THSD4: variants seen among roughly 807,000 people sequenced by gnomAD.
THSD4 encodes the protein thrombospondin type 1 domain containing 4.
In THSD4, 69 loss-of-function variants were observed where a neutral mutation model predicts 119.0. The observed-to-expected ratio is 0.58, with a 90% confidence interval of 0.48 to 0.71. The LOEUF (loss-of-function observed/expected upper bound fraction) is 0.71. THSD4 is among the 30% of genes least tolerant of loss of function. The pLI is 0.00. For synonymous variants in THSD4, 524 were observed against 540.4 expected, an observed-to-expected ratio of 0.97 and a Z score of 0.42; for missense variants, 1,393 against 1,391.1, an observed-to-expected ratio of 1.00 and a Z score of -0.02.
At chr15:71,757,881 T>G (rs780795008) in intron 14 of THSD4, 21 bp from the exon 15 acceptor site, 5 of 1,612,048 alleles carry the variant, frequency 3.1e-6, no homozygotes. Context: ...CTGACTAATG[T>G]GCCCTTCCCC....
intron 1 of THSD4, among the ~76,000 whole-genome samples, chr15:71,098,213 T>TTTG (rs1464119760): frequency 2.1e-4 from 27 of 128,956 alleles, no homozygotes; most frequent in African/African-American, 7.7e-4. Context: ...TTTTTTTTTT[T>TTTG]GGGGGGAGAG....
intron 7 of THSD4, among the ~76,000 whole-genome samples, chr15:71,441,327 G>T (rs1488482693): frequency 2.9e-5 from 1 of 34,246 alleles, no homozygotes; most frequent in Non-Finnish European, 7.5e-5. Context: ...ATTGGGATCA[G>T]TGGGCAACAG....
In THSD4 at chr15:71,765,028, C is replaced by T. The variant is rs376553250; in HGVS notation, c.2598C>T (p.Ile866=). ...TCTGCTTCTTTCTGCAGTGTTCCAT[C>T]GAGTGTGGGAGCGGGACGCAACAGA... The part of the protein sequence containing the change: ...WFAGSWSQCS[I]ECGSGTQQRE... Residue 866 remains isoleucine, a synonymous_variant, in exon 16 of 18, where the codon ATC becomes ATT. Coordinates refer to ENST00000261862, the MANE Select transcript of THSD4 (RefSeq NM_024817.3). The T allele has an allele frequency of 5.6e-5, 90 of 1,613,412 alleles. No homozygotes were observed. The highest frequency in any genetic ancestry group is 7.5e-5 in the Non-Finnish European group (88 of 1,179,688).
intron 7 of THSD4, among the ~76,000 whole-genome samples, chr15:71,605,873 G>A (rs774640018): frequency 9.8e-5 from 15 of 152,294 alleles, no homozygotes; most frequent in East Asian, 7.7e-4. Flanking sequence ...GGGATGCTCC[G>A]ATGCTTGAAG....
rs545026198 is a variant in THSD4 at position 71,778,078 on chromosome 15, A to G, written c.*704A>G. On this transcript the variant is annotated 3_prime_UTR_variant, in exon 18 of 18. Coordinates refer to ENST00000261862, the MANE Select transcript of THSD4 (RefSeq NM_024817.3). ...AACTTAAGTAATTGACCTGCCAGGT[A>G]TATTCACCCATCCAGTGGAAGAGCT... 6.6e-6 allele frequency: 1 copy of G among 152,418 alleles called. No individual in the cohort carries two copies. The highest frequency in any genetic ancestry group is 1.5e-5 in the Non-Finnish European group (1 of 68,214). 9.4% of individuals were successfully genotyped at this position (152,418 alleles called of 1,614,324 possible). A position where few individuals can be genotyped will look rare whatever the true frequency, so the allele number is the denominator to read the frequency against.
At chr15:71,625,064 G>A (rs1412771835) in intron 7 of THSD4, among the ~76,000 whole-genome samples, 1 of 152,060 alleles carries the variant, frequency 6.6e-6, no homozygotes, top group Non-Finnish European at 1.5e-5. Flanking sequence ...CTGGAGTACA[G>A]TGGTGCCATC....
chr15:71,117,606 C>A (rs1355652459), intron 1 of THSD4, among the ~76,000 whole-genome samples: 1 of 152,206 alleles, frequency 6.6e-6, no homozygotes, highest in African/African-American at 2.4e-5. Flanking sequence ...CTGCCCCCAC[C>A]TTCAACCATG....
intron 7 of THSD4, among the ~76,000 whole-genome samples, chr15:71,457,765 C>T (rs572892390): frequency 1.3e-5 from 2 of 152,332 alleles, no homozygotes; most frequent in African/African-American, 4.8e-5. Flanking sequence ...GTACTCTACC[C>T]CCTCACACTG....
intron 7 of THSD4, among the ~76,000 whole-genome samples, chr15:71,584,808 A>C (rs72739280): frequency 0.086 from 13,036 of 151,986 alleles, 587 homozygotes; most frequent in Admixed American, 0.12. Context: ...TTGCAATTTG[A>C]CAATTTTTTG....
At chr15:71,302,976 T>C (rs1437451867) in intron 6 of THSD4, among the ~76,000 whole-genome samples, 1 of 152,026 alleles carries the variant, frequency 6.6e-6, no homozygotes, top group African/African-American at 2.4e-5. Context: ...GCAGCCTGCA[T>C]GTGGAGAAGG....
intron 6 of THSD4, among the ~76,000 whole-genome samples, chr15:71,263,606 A>T (rs1458730167): frequency 2.0e-5 from 3 of 152,148 alleles, no homozygotes; most frequent in South Asian, 2.1e-4. Context: ...TTACACTCCC[A>T]CCAACAGTGT....
chr15:71,281,529 A>G (rs2044652784), intron 6 of THSD4, among the ~76,000 whole-genome samples: 1 of 152,262 alleles, frequency 6.6e-6, no homozygotes, highest in South Asian at 2.1e-4. Flanking sequence ...CCAAATTTAC[A>G]AAACAGATAA....
intron 5 of THSD4, among the ~76,000 whole-genome samples, chr15:71,252,860 G>A (rs1261640954): frequency 2.1e-5 from 3 of 143,522 alleles, no homozygotes; most frequent in Non-Finnish European, 4.5e-5. Context: ...CTCAATAAAA[G>A]TTAGGTATCA....
At chr15:71,295,995 A>G (rs756176192) in intron 6 of THSD4, among the ~76,000 whole-genome samples, 1 of 152,232 alleles carries the variant, frequency 6.6e-6, no homozygotes, top group Non-Finnish European at 1.5e-5. Context: ...TTGATAGCCT[A>G]TTCCTTTCTA....
intron 7 of THSD4, among the ~76,000 whole-genome samples, chr15:71,625,979 G>T (rs1343847103): frequency 6.6e-6 from 1 of 152,302 alleles, no homozygotes; most frequent in African/African-American, 2.4e-5. Context: ...CAAAATTGTG[G>T]CACATCTCTC....
chr15:71,464,777 A>G (rs994470259), intron 7 of THSD4, among the ~76,000 whole-genome samples: 2 of 152,112 alleles, frequency 1.3e-5, no homozygotes, highest in African/African-American at 4.8e-5. Flanking sequence ...AAGTCCCAGA[A>G]TCCTTATGTA....
At chr15:71,743,326 C>T (rs913428525) in intron 11 of THSD4, among the ~76,000 whole-genome samples, 2 of 152,132 alleles carry the variant, frequency 1.3e-5, no homozygotes, top group East Asian at 3.9e-4. Context: ...GAGATAGTTC[C>T]TTTTGCTTTC....
Position 71,598,704 on chromosome 15 carries a change from A to G in THSD4, c.1153-61826A>G, listed in dbSNP as rs144784766. 2.8e-3 allele frequency among the ~76,000 whole-genome samples: 424 copies of G among 151,938 alleles called. 3 individuals are homozygous for G. The highest frequency in any genetic ancestry group is 9.5e-3 in the African/African-American group (392 of 41,446). ...GAGATCATAGCTCAATGCAGCCTCA[A>G]TCTCCTGGGCTCAGGTGATCCTCCT... On this transcript the variant is annotated intron_variant, in intron 7 of 17. Coordinates refer to ENST00000261862, the MANE Select transcript of THSD4 (RefSeq NM_024817.3).
At chr15:71,670,284 A>G (rs1595848306) in intron 8 of THSD4, among the ~76,000 whole-genome samples, 1 of 151,638 alleles carries the variant, frequency 6.6e-6, no homozygotes, top group South Asian at 2.1e-4. Context: ...CCTGTGTCCA[A>G]GTGTTCTCAT....
Sources: gnomAD v4.1 joint callset for allele counts (sites outside exome capture counted in the v4.1 genomes callset) on GRCh38, gnomAD v4.1.1 for gene constraint, MANE v1.5 for transcripts, NCBI Gene and HGNC (gene_info 2026-07-23, HGNC 2026-07-21) for gene names.